Variants in CPE observed in about 807,000 individuals in gnomAD.
CPE encodes carbocypeptidase E.
Under a neutral mutation model 53.5 loss-of-function variants are expected in CPE, and 17 were observed. The observed-to-expected ratio is 0.32, with a 90% CI of 0.22 to 0.48. The LOEUF (loss-of-function observed/expected upper bound fraction) is 0.48, where lower values mean the gene tolerates loss of function less well. Ranked by LOEUF, CPE falls within the 20% of genes least tolerant of loss-of-function variation. The pLI, the probability that CPE is intolerant of heterozygous loss-of-function variation, is 0.99. For synonymous variants in CPE, 226 were observed against 228.8 expected, an observed-to-expected ratio of 0.99 and a Z score of 0.11; for missense variants, 524 against 614.7, an observed-to-expected ratio of 0.85 and a Z score of 1.56.
At chr4:165,490,419 G>A (rs1004982726) in intron 6 of CPE, among the ~76,000 whole-genome samples, 1 of 151,844 alleles carries the variant, frequency 6.6e-6, no homozygotes, top group Non-Finnish European at 1.5e-5. Flanking sequence ...AGATCATGAG[G>A]TCAGGAGATC....
At chr4:165,412,080 A>AT (rs1471918303) in intron 1 of CPE, among the ~76,000 whole-genome samples, 1 of 152,176 alleles carries the variant, frequency 6.6e-6, no homozygotes, top group African/African-American at 2.4e-5. Flanking sequence ...GGATTCAGTG[A>AT]TTTTTAGAAG....
chr4:165,452,439 T>TA (rs1560886702), intron 1 of CPE, among the ~76,000 whole-genome samples: 1 of 152,122 alleles, frequency 6.6e-6, no homozygotes, highest in African/African-American at 2.4e-5. Context: ...GATATACCAT[T>TA]AAAAAAAGAA....
intron 5 of CPE, among the ~76,000 whole-genome samples, chr4:165,486,050 C>T (rs1396410966): frequency 1.3e-5 from 2 of 152,182 alleles, no homozygotes; most frequent in Non-Finnish European, 2.9e-5. Context: ...GCAGGTTTGT[C>T]TCCCCTTGAG....
At chr4:165,405,318 A>C in intron 1 of CPE, 1 of 1,396,916 alleles carries the variant, frequency 7.2e-7, no homozygotes, top group Non-Finnish European at 1.0e-6. Context: ...TTCTTCTTGC[A>C]CAGGACCTGA....
chr4:165,454,257 C>A (rs56207699), intron 1 of CPE, among the ~76,000 whole-genome samples: 4 of 152,232 alleles, frequency 2.6e-5, no homozygotes, highest in Middle Eastern at 3.4e-3. Flanking sequence ...ATTCAGAGAG[C>A]TCCATTTGCT....
chr4:165,404,109 G>A, intron 1 of CPE: 1 of 862,246 alleles, frequency 1.2e-6, no homozygotes, highest in Non-Finnish European at 2.0e-6. Context: ...TGGTCAGCTA[G>A]CAGCTGGCTT....
chr4:165,389,831 A>C (rs1730651349), intron 1 of CPE, among the ~76,000 whole-genome samples: 1 of 152,230 alleles, frequency 6.6e-6, no homozygotes, highest in Admixed American at 6.5e-5. Flanking sequence ...TTATTTTCAC[A>C]GTTGCCAAAT....
intron 1 of CPE, among the ~76,000 whole-genome samples, chr4:165,444,100 T>A (rs1353335438): frequency 1.3e-5 from 2 of 152,190 alleles, no homozygotes; most frequent in Non-Finnish European, 2.9e-5. Flanking sequence ...ACAGCCTGAA[T>A]GGACCAAGCC....
chr4:165,481,145 T>G (rs1446347282), intron 3 of CPE, among the ~76,000 whole-genome samples: 2 of 151,946 alleles, frequency 1.3e-5, no homozygotes, highest in African/African-American at 4.8e-5. Flanking sequence ...ATAATTTTAA[T>G]AGACTAAAGC....
Position 165,410,014 on chromosome 4 carries a change from G to A in CPE, c.307+30486G>A, listed in dbSNP as rs113821905. Among the ~76,000 whole-genome samples, 1,023 of 152,164 alleles carry A rather than the reference G, an allele frequency of 6.7e-3. 13 individuals are homozygous for A. The highest frequency in any genetic ancestry group is 0.023 in the African/African-American group (950 of 41,524). On this transcript the variant is annotated intron_variant, in intron 1 of 8. Coordinates refer to ENST00000402744, the MANE Select transcript of CPE (RefSeq NM_001873.4). ...TGTAATCCCAGCACTTTGGGAGGCC[G>A]AGGTGGGTGGATCACCTGAGGTCAG...
intron 3 of CPE, among the ~76,000 whole-genome samples, chr4:165,476,134 G>A (rs1226636843): frequency 6.6e-6 from 1 of 152,184 alleles, no homozygotes; most frequent in East Asian, 1.9e-4. Context: ...AGAGACTGAG[G>A]CAGGTTTTAG....
chr4:165,457,986 T>C (rs1443414524), intron 1 of CPE, among the ~76,000 whole-genome samples: 3 of 152,222 alleles, frequency 2.0e-5, no homozygotes, highest in Admixed American at 2.0e-4. Flanking sequence ...CAATTAATGA[T>C]GTTCTTATTG....
intron 1 of CPE, among the ~76,000 whole-genome samples, chr4:165,398,797 G>C (rs1311135463): frequency 6.6e-6 from 1 of 152,106 alleles, no homozygotes; most frequent in East Asian, 1.9e-4. Context: ...TTAATATGTT[G>C]CCTCCTGCTG....
chr4:165,467,174 T>C (rs1732119956), intron 2 of CPE, among the ~76,000 whole-genome samples: 1 of 151,986 alleles, frequency 6.6e-6, no homozygotes. Flanking sequence ...AATAAAAAAC[T>C]TAGCCTAGCA....
intron 1 of CPE, among the ~76,000 whole-genome samples, chr4:165,445,186 C>T (rs1175921923): frequency 6.6e-6 from 1 of 152,142 alleles, no homozygotes; most frequent in African/African-American, 2.4e-5. Flanking sequence ...GAACTCATGA[C>T]CTCATGTGAT....
intron 1 of CPE, among the ~76,000 whole-genome samples, chr4:165,384,674 C>T (rs78597569): frequency 6.6e-6 from 1 of 152,120 alleles, no homozygotes; most frequent in African/African-American, 2.4e-5. Context: ...AGTAGTGTTA[C>T]ACTTCCATTA....
chr4:165,391,953 A>G (rs906078370), intron 1 of CPE, among the ~76,000 whole-genome samples: 2 of 151,980 alleles, frequency 1.3e-5, no homozygotes, highest in East Asian at 3.9e-4. Flanking sequence ...AAGCTAGTAA[A>G]AAATCATTCA....
intron 1 of CPE, among the ~76,000 whole-genome samples, chr4:165,455,931 G>T (rs1731894389): frequency 6.6e-6 from 1 of 152,164 alleles, no homozygotes; most frequent in African/African-American, 2.4e-5. Context: ...GGGATTACAG[G>T]CGTGAGCCAC....
At chr4:165,403,144 G>T (rs1442938228) in intron 1 of CPE, among the ~76,000 whole-genome samples, 1 of 152,118 alleles carries the variant, frequency 6.6e-6, no homozygotes, top group African/African-American at 2.4e-5. Flanking sequence ...AGAATATTTT[G>T]ATTGCTATTT....
Sources: allele counts gnomAD v4.1 joint callset (sites outside exome capture counted in the v4.1 genomes callset), GRCh38; gene constraint gnomAD v4.1.1; transcripts MANE v1.5; gene names NCBI Gene and HGNC (gene_info 2026-07-23, HGNC 2026-07-21).